The following CFAP70 variants were observed in gnomAD, a reference collection of about 807,000 sequenced individuals.
CFAP70 encodes the protein cilia- and flagella-associated protein 70.
Under a neutral mutation model 137.6 loss-of-function variants are expected in CFAP70, and 81 were observed. The observed-to-expected ratio is 0.59, with a 90% CI of 0.49 to 0.71. The LOEUF (loss-of-function observed/expected upper bound fraction) is 0.71. CFAP70 is among the 30% of genes least tolerant of loss of function. CFAP70 has a pLI of 0.00. For missense variants in CFAP70, 976 were observed against 1,226.7 expected, an observed-to-expected ratio of 0.80 and a Z score of 3.05; for synonymous variants, 382 against 423.6, an observed-to-expected ratio of 0.90 and a Z score of 1.20.
chr10:73,300,958 T>C (rs2048904453), intron 12 of CFAP70, among the ~76,000 whole-genome samples: 1 of 152,192 alleles, frequency 6.6e-6, no homozygotes, highest in South Asian at 2.1e-4. Context: ...TAGACAAAAA[T>C]TCTTACCCTC....
At chr10:73,328,184 G>A (rs914413009) in intron 8 of CFAP70, among the ~76,000 whole-genome samples, 32 of 152,110 alleles carry the variant, frequency 2.1e-4, no homozygotes, top group Admixed American at 1.0e-3. Flanking sequence ...AAATAACACC[G>A]CATATCTACA....
At chr10:73,358,511 C>T (rs1375649097) in intron 1 of CFAP70, among the ~76,000 whole-genome samples, 1 of 152,238 alleles carries the variant, frequency 6.6e-6, no homozygotes, top group East Asian at 1.9e-4. Context: ...TACGTCCGCG[C>T]TCCTGTGGAG....
At chr10:73,304,713 G>A (rs1432667153) in intron 12 of CFAP70, among the ~76,000 whole-genome samples, 2 of 152,034 alleles carry the variant, frequency 1.3e-5, no homozygotes, top group Non-Finnish European at 2.9e-5. Flanking sequence ...GTAATAAATA[G>A]TCTCCAAGGT....
At chr10:73,291,553 C>CATG (rs1165134639) in intron 18 of CFAP70, 87 bp downstream of exon 19, 301 of 1,476,882 alleles carry the variant, frequency 2.0e-4, no homozygotes, top group Non-Finnish European at 2.7e-4. Context: ...TTAAGAACTA[C>CATG]ATGATGAGCC....
chr10:73,362,123 T>C (rs1186172092), upstream of CFAP70, among the ~76,000 whole-genome samples: 2 of 151,996 alleles, frequency 1.3e-5, no homozygotes, highest in Non-Finnish European at 2.9e-5. Context: ...TTAACAAGAG[T>C]GCCAAGATGA....
At chr10:73,310,167 A>G in exon 12 of CFAP70, 1 of 1,609,614 alleles carries the variant, frequency 6.2e-7, no homozygotes, top group Non-Finnish European at 8.5e-7. Context: ...CCTTCTGGCT[A>G]GCTCCTCTGG....
chr10:73,275,601 G>A lies in CFAP70; in HGVS notation c.2521-3C>T, dbSNP rs2046658013. On this transcript the variant is annotated splice_polypyrimidine_tract_variant and splice_region_variant and intron_variant, in intron 21 of 26. Transcript: ENST00000310715. This position sits in a 1 kb window ranked among gnomAD's most constrained non-coding sequence, Gnocchi z 4.0. ...TGTGCAAGCACTCTGTGCACATACT[G>A]CAAGGATAATCAGATTATAAGCAAC... 1 of 1,558,286 alleles carries A rather than the reference G, an allele frequency of 6.4e-7. No individual in the cohort carries two copies. Among genetic ancestry groups the A allele is most frequent in the African/African-American group, 1.4e-5 (1 of 71,812 alleles).
intron 19 of CFAP70, among the ~76,000 whole-genome samples, chr10:73,279,596 C>T (rs558699411): frequency 2.2e-4 from 34 of 151,694 alleles, no homozygotes; most frequent in East Asian, 1.7e-3. Flanking sequence ...AGGTGACTCA[C>T]GCCTGTGAGC....
In CFAP70 at chr10:73,298,765, A is replaced by G. The variant is rs902788263; in HGVS notation, c.1512+142T>C. ...AGAATGGAGCTTCTCCTGACACTCT[A>G]TCATAGAGAACTTAGCTCTTTGCCC... On this transcript the variant is annotated intron_variant, in intron 14 of 26. Coordinates refer to ENST00000310715, the Ensembl canonical transcript of CFAP70. 3.2e-4 allele frequency: 211 copies of G among 661,552 alleles called. 5 individuals carry two copies. The South Asian group carries it at 4.2e-3, about 13-fold the overall frequency. The allele number at this position is 661,552 out of a possible 1,614,324, so 41.0% of individuals were successfully genotyped here. A position where few individuals can be genotyped will look rare whatever the true frequency, so the allele number is the denominator to read the frequency against.
At chr10:73,277,245 C>T in exon 21 of CFAP70, 1 of 1,613,372 alleles carries the variant, frequency 6.2e-7, no homozygotes, top group Non-Finnish European at 8.5e-7. Flanking sequence ...CTGACCTGCA[C>T]AGCCTTGACT....
At chr10:73,362,586 G>A (rs1305441164), upstream of CFAP70, among the ~76,000 whole-genome samples, 1 of 151,940 alleles carries the variant, frequency 6.6e-6, no homozygotes, top group Admixed American at 6.6e-5. Flanking sequence ...GTTCACTATT[G>A]GCATATAGAA....
At position 73,303,998 on chromosome 10, in the gene CFAP70, C is replaced by T. The variant is rs74935127; in HGVS notation, c.1257-4333G>A. On this transcript the variant is annotated intron_variant, in intron 12 of 26. Transcript: ENST00000310715. ...ATTTAATGCGGCCTTCCTTTTCCAT[C>T]GTTTTGAGTTTTTGACTATTTCTAG... is the stretch of plus-strand genomic sequence containing the variant. Among the ~76,000 whole-genome samples the T allele has an allele frequency of 2.9e-3, 441 of 151,972 alleles. 4 individuals are homozygous for T. Among genetic ancestry groups the T allele is most frequent in the African/African-American group, 0.01 (424 of 41,454 alleles).
intron 8 of CFAP70, 99 bp from the exon 10 acceptor site, chr10:73,323,196 A>G: frequency 8.6e-7 from 1 of 1,168,426 alleles, no homozygotes; most frequent in Non-Finnish European, 1.2e-6. Flanking sequence ...TTTAGAAACT[A>G]ACTCAACTAC....
intron 19 of CFAP70, among the ~76,000 whole-genome samples, chr10:73,281,957 T>A (rs1342690898): frequency 1.3e-5 from 2 of 152,216 alleles, no homozygotes; most frequent in Admixed American, 6.5e-5. Flanking sequence ...CTTGTGGACA[T>A]ACCGACGTGA....
exon 23 of CFAP70, chr10:73,274,462 G>T: frequency 6.2e-7 from 1 of 1,613,662 alleles, no homozygotes; most frequent in South Asian, 1.1e-5. Context: ...ATGAGCCCCA[G>T]TCTCAGGAAG....
chr10:73,348,963 G>A (rs1478037085), intron 3 of CFAP70, among the ~76,000 whole-genome samples: 3 of 151,742 alleles, frequency 2.0e-5, no homozygotes, highest in Non-Finnish European at 4.4e-5. Context: ...TCGGGAGACC[G>A]AGGCAGGAGA....
chr10:73,345,835 G>A (rs929206013), intron 4 of CFAP70, among the ~76,000 whole-genome samples: 9 of 151,998 alleles, frequency 5.9e-5, no homozygotes, highest in Non-Finnish European at 1.2e-4. Context: ...AGTTGCACAT[G>A]AGTAAGTGAG....
intron 19 of CFAP70, among the ~76,000 whole-genome samples, chr10:73,289,525 C>T (rs1448859085): frequency 6.6e-6 from 1 of 151,838 alleles, no homozygotes; most frequent in Non-Finnish European, 1.5e-5. Context: ...ACCTTGTGAT[C>T]CGCCTGCCTC....
intron 6 of CFAP70, among the ~76,000 whole-genome samples, chr10:73,338,641 G>C (rs1267785897): frequency 6.7e-6 from 1 of 149,574 alleles, no homozygotes; most frequent in Non-Finnish European, 1.5e-5. Context: ...ATATTGTCCA[G>C]GCTGGTCTCG....
Sources: gnomAD v4.1 joint callset for allele counts (sites outside exome capture counted in the v4.1 genomes callset) on GRCh38, gnomAD v4.1.1 for gene constraint, Gnocchi (gnomAD v3.1) non-coding constraint, MANE v1.5 for transcripts, NCBI Gene and HGNC (gene_info 2026-07-23, HGNC 2026-07-21) for gene names.